Variants in USP34 observed in about 807,000 individuals in gnomAD.
USP34 encodes the protein ubiquitin carboxyl-terminal hydrolase 34.
USP34 carries 70 observed loss-of-function variants against 460.3 expected under a neutral mutation model. The observed-to-expected ratio is 0.15, with a 90% CI of 0.13 to 0.19. The LOEUF (loss-of-function observed/expected upper bound fraction) is 0.19. Among genes scored for constraint, USP34 ranks in the 10% least tolerant of loss-of-function variants. The pLI, the probability that USP34 is intolerant of heterozygous loss-of-function variation, is 1.00. For missense variants in USP34, 3,985 were observed against 4,236.2 expected, an observed-to-expected ratio of 0.94 and a Z score of 1.65; for synonymous variants, 1,647 against 1,405.3, an observed-to-expected ratio of 1.17 and a Z score of -3.85.
At chr2:61,340,565 A>G (rs888389699) in intron 16 of USP34, among the ~76,000 whole-genome samples, 2 of 152,118 alleles carry the variant, frequency 1.3e-5, no homozygotes, top group Admixed American at 1.3e-4. Flanking sequence ...TCTCCCTAAC[A>G]CCGTAGTACT....
At position 61,338,103 on chromosome 2, in the gene USP34, C is replaced by T. The variant is rs146691632; in HGVS notation, c.2744+1248G>A. ...TTGAGAAGCCAAGGCAGGAGGATCA[C>T]CTGAGGTGAGGAGTTGAAGACCAGC... On this transcript the variant is annotated intron_variant, in intron 18 of 79. Transcript: ENST00000398571. Among the ~76,000 whole-genome samples, 5 of 152,276 alleles carry T rather than the reference C, an allele frequency of 3.3e-5. No homozygotes were observed. In the East Asian group the frequency reaches 9.7e-4, roughly 29 times the overall value.
intron 5 of USP34, 39 bp from the exon 6 acceptor site, chr2:61,383,375 T>C (rs542784975): frequency 2.2e-5 from 32 of 1,423,716 alleles, no homozygotes; most frequent in Admixed American, 7.9e-5. Context: ...ATGCCTAATA[T>C]GTGAAATACA....
At chr2:61,424,509 C>T (rs1248041359) in intron 1 of USP34, among the ~76,000 whole-genome samples, 1 of 152,062 alleles carries the variant, frequency 6.6e-6, no homozygotes, top group Non-Finnish European at 1.5e-5. Context: ...TCAGTTTTGT[C>T]ACATGAAAAA....
chr2:61,453,502 G>C (rs539999815), intron 1 of USP34, among the ~76,000 whole-genome samples: 29 of 151,892 alleles, frequency 1.9e-4, no homozygotes, highest in South Asian at 1.9e-3. Context: ...TTGAGGTCAG[G>C]AGTTCAAGAC....
In USP34 at chr2:61,394,865, T is replaced by C; in HGVS notation, c.741A>G (p.Thr247=). ...LPFLIAHAFI[T]VVSNIRIWLH... is the part of the protein sequence containing the mutation. ...AAACAATACTTACATTAGACACAAC[T>C]GTAATAAACGCATGTGCTATAAGAA... Residue 247 remains threonine, a synonymous_variant, in exon 5 of 80, where the codon ACA becomes ACG. Transcript: ENST00000398571. The C allele has an allele frequency of 6.3e-7, 1 of 1,577,284 alleles. No homozygotes were observed. The highest frequency in any genetic ancestry group is 8.6e-7 in the Non-Finnish European group (1 of 1,166,892).
At chr2:61,254,850 T>A (rs1224106211) in intron 48 of USP34, among the ~76,000 whole-genome samples, 1 of 151,508 alleles carries the variant, frequency 6.6e-6, no homozygotes, top group Non-Finnish European at 1.5e-5. Context: ...AAGTATAGCA[T>A]TTTTTTTTCT....
At chr2:61,304,643 G>C (rs749695021) in intron 27 of USP34, among the ~76,000 whole-genome samples, 5 of 152,306 alleles carry the variant, frequency 3.3e-5, no homozygotes, top group African/African-American at 4.8e-5. Context: ...GCTGTCACTT[G>C]ACACTGAATC....
chr2:61,350,974 A>G (rs1031533003), intron 10 of USP34, among the ~76,000 whole-genome samples: 6 of 152,314 alleles, frequency 3.9e-5, no homozygotes, highest in African/African-American at 2.4e-5. Flanking sequence ...TGTAATTCCA[A>G]TACTTTGAGA....
intron 75 of USP34, among the ~76,000 whole-genome samples, chr2:61,195,608 G>GTTGCAA (rs1188379988): frequency 1.3e-5 from 2 of 152,036 alleles, no homozygotes; most frequent in Non-Finnish European, 2.9e-5. Context: ...GGAGGCAGAA[G>GTTGCAA]TTGCAATGAG....
At chr2:61,368,541 C>A (rs1325132213) in intron 10 of USP34, among the ~76,000 whole-genome samples, 2 of 151,850 alleles carry the variant, frequency 1.3e-5, no homozygotes, top group Non-Finnish European at 2.9e-5. Flanking sequence ...CATAATTATA[C>A]ACACAAATAG....
rs547680136 is a variant in USP34, at chr2:61,452,410, G to T, written c.43+18240C>A. On this transcript the variant is annotated intron_variant, in intron 1 of 79. Transcript: ENST00000398571. The stretch of plus-strand genomic sequence containing the variant: ...CGCGATCTCAGCTCATTGCAACCTC[G>T]ACCTCCGGGGTTCAAGAGATTCTCG... 4.4e-5 allele frequency among the ~76,000 whole-genome samples: 6 copies of T among 135,660 alleles called. No homozygotes were observed. The East Asian group carries it at 1.5e-3, about 33-fold the overall frequency. 89.0% of individuals were successfully genotyped at this position (135,660 alleles called of 152,430 possible).
At chr2:61,205,900 G>A (rs1379950853) in intron 72 of USP34, 117 bp downstream of exon 72, 4 of 720,144 alleles carry the variant, frequency 5.6e-6, no homozygotes, top group Non-Finnish European at 9.3e-6. Context: ...GCTAGTGTGA[G>A]TTACACATAA....
chr2:61,348,073 A>C lies in USP34; in HGVS notation c.2082T>G (p.Ala694=), dbSNP rs377210115. 14 of 1,614,108 alleles carry C rather than the reference A, an allele frequency of 8.7e-6. 1 individual carries two copies. The African/African-American group carries it at 1.7e-4, about 20-fold the overall frequency. The change falls in exon 15 of 80, where the codon GCT becomes GCG. Residue 694 remains alanine, a synonymous_variant. Coordinates refer to ENST00000398571, the MANE Select transcript of USP34 (RefSeq NM_014709.4). ...GTTCTGGGTCTTCAGAGTGTGAACA[A>C]GCATCCAGCATTCGCATTCGATTAT... ...SVDNRMRMLD[A]CSHSEDPEHD...
chr2:61,234,981 T>C (rs1235039169), intron 57 of USP34, among the ~76,000 whole-genome samples: 1 of 152,130 alleles, frequency 6.6e-6, no homozygotes, highest in Non-Finnish European at 1.5e-5. Context: ...ATGTACAGCA[T>C]CATGACACTA....
At chr2:61,389,176 T>C (rs961076130) in intron 5 of USP34, among the ~76,000 whole-genome samples, 10 of 152,162 alleles carry the variant, frequency 6.6e-5, no homozygotes, top group Non-Finnish European at 1.2e-4. Flanking sequence ...TGTTTATTTT[T>C]AAAGGAGAAG....
chr2:61,349,144 A>G, intron 13 of USP34, 106 bp downstream of exon 13: 1 of 1,358,184 alleles, frequency 7.4e-7, no homozygotes, highest in Non-Finnish European at 1.0e-6. Context: ...CTCAAAATGA[A>G]CTTTATGACT....
chr2:61,214,689 C>A lies in USP34; in HGVS notation c.8053G>T (p.Ala2685Ser). The change falls in exon 68 of 80, where the codon GCT (alanine) becomes TCT (serine). Residue 2685 changes from alanine to serine, a missense_variant. By Grantham distance (99) the Ala-to-Ser change is moderately conservative. Transcript: ENST00000398571. ...HNYPRVRTSA[A>S]YLLVSLIPSN... ...GGTATAAGGGACACCAGAAGATAAGCTGCAGCTATAAAATGTAAAACAAAA... is the reference window on the plus strand; with the variant it reads ...GGTATAAGGGACACCAGAAGATAAGATGCAGCTATAAAATGTAAAACAAAA... The A allele has an allele frequency of 1.9e-6, 3 of 1,613,482 alleles. No individual in the cohort carries two copies.
chr2:61,385,671 CAAAAAAAAAAAAAA>C (rs61200102), intron 5 of USP34, among the ~76,000 whole-genome samples: 2 of 46,002 alleles, frequency 4.3e-5, no homozygotes, highest in African/African-American at 1.9e-4. Flanking sequence ...GACTCTGTCT[CAAAAAAAAAAAAAA>C]AAAAAAAAAG....
chr2:61,284,757 A>T, intron 35 of USP34, 118 bp downstream of exon 35: 1 of 719,632 alleles, frequency 1.4e-6, no homozygotes, highest in Non-Finnish European at 2.2e-6. Flanking sequence ...GGTATGAGAG[A>T]TTTCATCATA....
Sources: allele counts gnomAD v4.1 joint callset (sites outside exome capture counted in the v4.1 genomes callset), GRCh38; gene constraint gnomAD v4.1.1; transcripts MANE v1.5; gene names NCBI Gene and HGNC (gene_info 2026-07-23, HGNC 2026-07-21).